Variants in INTS6 observed in about 807,000 individuals in gnomAD.
The protein encoded by INTS6 is integrator complex subunit 6, also known as DEAD box protein.
Under a neutral mutation model 104.9 loss-of-function variants are expected in INTS6, and 16 were observed. The observed-to-expected ratio is 0.15, with a 90% CI of 0.10 to 0.23. INTS6 has a LOEUF of 0.23. Among genes scored for constraint, INTS6 ranks in the 10% least tolerant of loss-of-function variants. The probability of loss-of-function intolerance (pLI) is 1.00; values close to 1 mark genes in which losing one functional copy is unlikely to be tolerated. For synonymous variants in INTS6, 324 were observed against 358.7 expected, an observed-to-expected ratio of 0.90 and a Z score of 1.09; for missense variants, 584 against 1,062.8, an observed-to-expected ratio of 0.55 and a Z score of 6.26.
chr13:51,408,746 A>G (rs1032991430), intron 4 of INTS6, among the ~76,000 whole-genome samples: 1 of 152,174 alleles, frequency 6.6e-6, no homozygotes, highest in Non-Finnish European at 1.5e-5. Context: ...TAATCACACA[A>G]GTTAAGAGAC....
At chr13:51,410,149 T>G (rs1343685303) in intron 4 of INTS6, among the ~76,000 whole-genome samples, 2 of 152,180 alleles carry the variant, frequency 1.3e-5, no homozygotes, top group Non-Finnish European at 2.9e-5. Context: ...AAAGTGTCAT[T>G]TTTCCCTCAA....
chr13:51,340,071 C>T, the INTS6 span, among the ~76,000 whole-genome samples: 1 of 152,176 alleles, frequency 6.6e-6, no homozygotes. Context: ...CCATCGTGCT[C>T]AGTGGCCTTG....
chr13:51,413,369 C>A (rs1478331029), intron 4 of INTS6, among the ~76,000 whole-genome samples: 3 of 152,064 alleles, frequency 2.0e-5, no homozygotes, highest in East Asian at 1.9e-4. Context: ...TCTTCTCTAA[C>A]CCCTGTAAGA....
chr13:51,425,415 T>C (rs1161335548), intron 4 of INTS6, among the ~76,000 whole-genome samples: 2 of 152,094 alleles, frequency 1.3e-5, no homozygotes, highest in African/African-American at 4.8e-5. Flanking sequence ...TCCCAACAGA[T>C]TACTTTGGCT....
chr13:51,363,965 T>C lies in INTS6; in HGVS notation c.*1787A>G, dbSNP rs151246480. ...TGGGCTGAATCTCTTTCCTAGATAC[T>C]CTTGTTAAGTATGAATTTTTATCTG... On this transcript the variant is annotated 3_prime_UTR_variant, in exon 18 of 18. Coordinates refer to ENST00000311234, the MANE Select transcript of INTS6 (RefSeq NM_012141.3). 1.7e-4 allele frequency: 42 copies of C among 242,276 alleles called. No individual in the cohort carries two copies. In the East Asian group the frequency reaches 3.3e-3, roughly 19 times the overall value. 15.0% of individuals were successfully genotyped at this position (242,276 alleles called of 1,614,324 possible). A position where few individuals can be genotyped will look rare whatever the true frequency, so the allele number is the denominator to read the frequency against.
chr13:51,450,062 CAGAA>C, intron 3 of INTS6: 1 of 985,304 alleles, frequency 1.0e-6, no homozygotes, highest in Non-Finnish European at 1.2e-6. Flanking sequence ...GTTGTAGTCA[CAGAA>C]AGAATTTCCC....
At chr13:51,336,061 T>A in the INTS6 span, among the ~76,000 whole-genome samples, 1 of 152,178 alleles carries the variant, frequency 6.6e-6, no homozygotes. Context: ...GTTAACATAA[T>A]AACATAATAG....
At chr13:51,337,169 C>T in the INTS6 span, among the ~76,000 whole-genome samples, 1 of 152,204 alleles carries the variant, frequency 6.6e-6, no homozygotes, top group Non-Finnish European at 1.5e-5. Context: ...TGGCAAAATC[C>T]TCAAGGTCAG....
At chr13:51,425,786 A>G (rs1956974143) in intron 4 of INTS6, among the ~76,000 whole-genome samples, 1 of 152,120 alleles carries the variant, frequency 6.6e-6, no homozygotes, top group Non-Finnish European at 1.5e-5. Flanking sequence ...AACATTTGAT[A>G]TATCAGTTAT....
chr13:51,338,207 T>A, the INTS6 span, among the ~76,000 whole-genome samples: 1 of 152,188 alleles, frequency 6.6e-6, no homozygotes, highest in African/African-American at 2.4e-5. Flanking sequence ...AAATAGTGAA[T>A]CAGCTGTTTC....
At chr13:51,342,003 C>T in the INTS6 span, among the ~76,000 whole-genome samples, 1 of 152,042 alleles carries the variant, frequency 6.6e-6, no homozygotes, top group African/African-American at 2.4e-5. Context: ...GCGGCTTTGC[C>T]GGCAGCAGCA....
chr13:51,349,820 A>AT (rs1008774506), downstream of INTS6, among the ~76,000 whole-genome samples: 10 of 152,220 alleles, frequency 6.6e-5, no homozygotes, highest in Admixed American at 1.3e-4. Flanking sequence ...CATTCTGATA[A>AT]TTTTTTTTAA....
chr13:51,403,786 C>G (rs1956496023), intron 4 of INTS6, among the ~76,000 whole-genome samples: 1 of 151,964 alleles, frequency 6.6e-6, no homozygotes, highest in Non-Finnish European at 1.5e-5. Flanking sequence ...GGAGAAGGAT[C>G]TGATTCTTTT....
At chr13:51,344,439 T>C in the INTS6 span, 15 of 1,605,936 alleles carry the variant, frequency 9.3e-6, no homozygotes, top group Non-Finnish European at 1.2e-5. Context: ...GTGAGCCCAA[T>C]AGCACCGCCA....
chr13:51,402,997 T>C (rs1956467186), intron 4 of INTS6, among the ~76,000 whole-genome samples: 1 of 152,186 alleles, frequency 6.6e-6, no homozygotes, highest in Non-Finnish European at 1.5e-5. Flanking sequence ...TTAATGTAGA[T>C]AAACTACGCC....
chr13:51,347,028 G>A, the INTS6 span: 1 of 1,575,916 alleles, frequency 6.3e-7, no homozygotes, highest in Non-Finnish European at 8.6e-7. Context: ...CTTGCAGGTG[G>A]GGGCCCCAGT....
At chr13:51,375,823 TAAGA>T (rs1955918345) in intron 13 of INTS6, among the ~76,000 whole-genome samples, 2 of 151,892 alleles carry the variant, frequency 1.3e-5, no homozygotes, top group South Asian at 4.2e-4. Flanking sequence ...ACTAAACTGT[TAAGA>T]AAGGTTGTTA....
intron 4 of INTS6, among the ~76,000 whole-genome samples, chr13:51,400,428 AG>A (rs1171109466): frequency 1.3e-5 from 2 of 152,180 alleles, no homozygotes; most frequent in African/African-American, 4.8e-5. Flanking sequence ...TTCTTCTAAA[AG>A]CTTATTATTT....
At chr13:51,451,933 A>T in intron 2 of INTS6, 45 bp downstream of exon 2, 2 of 1,455,672 alleles carry the variant, frequency 1.4e-6, no homozygotes, top group Non-Finnish European at 1.9e-6. Context: ...GCGAGGAAGG[A>T]ACAGGGAAGG....
Sources: gnomAD v4.1 joint callset for allele counts (sites outside exome capture counted in the v4.1 genomes callset) on GRCh38, gnomAD v4.1.1 for gene constraint, MANE v1.5 for transcripts, NCBI Gene and HGNC (gene_info 2026-07-23, HGNC 2026-07-21) for gene names.